Variants in HS3ST4 observed in about 807,000 individuals in gnomAD.
HS3ST4 encodes the protein heparan sulfate glucosamine 3-O-sulfotransferase 4.
HS3ST4 carries 17 observed loss-of-function variants against 29.2 expected under a neutral mutation model. That is an observed-to-expected ratio of 0.58 (90% CI 0.40 to 0.87). The LOEUF is 0.87. Among genes scored for constraint, HS3ST4 ranks in the 40% least tolerant of loss-of-function variants. The pLI, the probability that HS3ST4 is intolerant of heterozygous loss-of-function variation, is 0.00. For missense variants in HS3ST4, 627 were observed against 634.5 expected (o/e 0.99, Z 0.13); for synonymous variants, 314 against 285.7 (o/e 1.10, Z -1.00).
At chr16:25,767,199 T>G (rs1966825927) in intron 1 of HS3ST4, among the ~76,000 whole-genome samples, 1 of 152,352 alleles carries the variant, frequency 6.6e-6, no homozygotes, top group South Asian at 2.1e-4. Flanking sequence ...GGCAAATGTT[T>G]ATTTATACGG....
chr16:25,782,653 A>G (rs754449182), intron 1 of HS3ST4, among the ~76,000 whole-genome samples: 103 of 152,352 alleles, frequency 6.8e-4, no homozygotes, highest in Non-Finnish European at 1.2e-3. Flanking sequence ...TTAAAGTCAG[A>G]TGCACCTTAC....
intron 1 of HS3ST4, 55 bp downstream of exon 1, chr16:25,693,206 G>T: frequency 6.8e-7 from 1 of 1,477,682 alleles, no homozygotes; most frequent in South Asian, 1.4e-5. Flanking sequence ...ACGCGGAGGG[G>T]AAGCCGCGGC....
At chr16:26,026,381 C>T (rs1969473722) in intron 1 of HS3ST4, among the ~76,000 whole-genome samples, 1 of 152,134 alleles carries the variant, frequency 6.6e-6, no homozygotes, top group Non-Finnish European at 1.5e-5. Context: ...CGTTATTGCA[C>T]CTAGGAGGAA....
chr16:25,920,593 G>GC (rs1324018553), intron 1 of HS3ST4, among the ~76,000 whole-genome samples: 4 of 111,446 alleles, frequency 3.6e-5, no homozygotes, highest in Admixed American at 9.1e-5. Context: ...TCCCCTCACT[G>GC]CCGCCCCCAC....
chr16:25,767,280 T>C (rs1459125234), intron 1 of HS3ST4, among the ~76,000 whole-genome samples: 4 of 152,164 alleles, frequency 2.6e-5, no homozygotes, highest in African/African-American at 9.7e-5. Context: ...GGTTTTATCA[T>C]CCAGTGTTCT....
chr16:25,820,448 C>T (rs965655566), intron 1 of HS3ST4, among the ~76,000 whole-genome samples: 10 of 152,042 alleles, frequency 6.6e-5, no homozygotes, highest in Admixed American at 1.3e-4. Flanking sequence ...GGCTATTGTG[C>T]GGTGGTGCAG....
At position 25,828,274 on chromosome 16, in the gene HS3ST4, T is replaced by TTCTC. The variant is rs1967248131; in HGVS notation, c.734+135126_734+135127insCTCT. ...TTTCTTTCTTTCTTTCTTTCTTTCT[T>TTCTC]TCTTTCTTTCTTTCTTTCTTTCTTT... On this transcript the variant is annotated intron_variant, in intron 1 of 1. Coordinates refer to ENST00000331351, the MANE Select transcript of HS3ST4 (RefSeq NM_006040.3). Among the ~76,000 whole-genome samples, 2 of 87,834 alleles carry TTCTC rather than the reference T, an allele frequency of 2.3e-5. 1 individual carries two copies. Among genetic ancestry groups the TTCTC allele is most frequent in the South Asian group, 9.6e-4 (2 of 2,090 alleles). The allele number at this position is 87,834 out of a possible 152,430, so 57.6% of individuals were successfully genotyped here.
chr16:26,024,658 G>A (rs1054643758), intron 1 of HS3ST4, among the ~76,000 whole-genome samples: 2 of 152,170 alleles, frequency 1.3e-5, no homozygotes, highest in African/African-American at 4.8e-5. Context: ...CATGAACCCA[G>A]GAGGCAGAGA....
At chr16:25,998,442 T>C (rs1264304284) in intron 1 of HS3ST4, among the ~76,000 whole-genome samples, 3 of 152,216 alleles carry the variant, frequency 2.0e-5, no homozygotes, top group South Asian at 2.1e-4. Context: ...TGGAGTCATA[T>C]TGAGTTAGTC....
At chr16:25,954,830 C>G (rs1968713805) in intron 1 of HS3ST4, among the ~76,000 whole-genome samples, 2 of 152,320 alleles carry the variant, frequency 1.3e-5, no homozygotes, top group South Asian at 2.1e-4. Context: ...TGAAATATTT[C>G]TTGTCCCAAT....
At chr16:25,812,955 G>A (rs948972036) in intron 1 of HS3ST4, among the ~76,000 whole-genome samples, 1 of 152,092 alleles carries the variant, frequency 6.6e-6, no homozygotes, top group Non-Finnish European at 1.5e-5. Context: ...AATTTTCTTG[G>A]TTCATGTAAC....
chr16:26,111,147 G>A (rs1899123756), intron 1 of HS3ST4, among the ~76,000 whole-genome samples: 1 of 151,962 alleles, frequency 6.6e-6, no homozygotes, highest in Admixed American at 6.6e-5. Flanking sequence ...ACTGAAGCCT[G>A]GACCTTCTGG....
At chr16:26,086,861 C>T (rs541235982) in intron 1 of HS3ST4, among the ~76,000 whole-genome samples, 25 of 152,266 alleles carry the variant, frequency 1.6e-4, no homozygotes, top group African/African-American at 6.0e-4. Context: ...TTTCTGACAA[C>T]CTGATCTTGA....
At chr16:26,085,413 A>G (rs1898774689) in intron 1 of HS3ST4, among the ~76,000 whole-genome samples, 2 of 152,214 alleles carry the variant, frequency 1.3e-5, no homozygotes, top group African/African-American at 4.8e-5. Context: ...AACAACATAG[A>G]CCAAGCCACT....
At chr16:26,069,889 T>C (rs890213790) in intron 1 of HS3ST4, among the ~76,000 whole-genome samples, 2 of 152,086 alleles carry the variant, frequency 1.3e-5, no homozygotes, top group African/African-American at 2.4e-5. Flanking sequence ...CATGAACTCA[T>C]CATTTTTTAT....
intron 1 of HS3ST4, among the ~76,000 whole-genome samples, chr16:25,795,803 A>G (rs1045266312): frequency 6.6e-6 from 1 of 152,110 alleles, no homozygotes; most frequent in South Asian, 2.1e-4. Context: ...GGCTCAGTCT[A>G]TCTTTTGTTC....
chr16:26,101,308 C>T (rs1008483092), intron 1 of HS3ST4, among the ~76,000 whole-genome samples: 10 of 152,224 alleles, frequency 6.6e-5, no homozygotes, highest in Non-Finnish European at 1.2e-4. Context: ...AGAATGCAGC[C>T]GGGAAGTTCC....
intron 1 of HS3ST4, among the ~76,000 whole-genome samples, chr16:26,007,740 C>G (rs975434015): frequency 6.6e-6 from 1 of 152,178 alleles, no homozygotes; most frequent in Non-Finnish European, 1.5e-5. Flanking sequence ...ACATTATGCT[C>G]TGTTTTCCTG....
intron 1 of HS3ST4, among the ~76,000 whole-genome samples, chr16:26,099,394 A>G (rs1486418674): frequency 6.6e-6 from 1 of 152,118 alleles, no homozygotes; most frequent in Non-Finnish European, 1.5e-5. Context: ...ATCCTTAAGC[A>G]ATCTTCATGC....
Sources: allele counts gnomAD v4.1 joint callset (sites outside exome capture counted in the v4.1 genomes callset), GRCh38; gene constraint gnomAD v4.1.1; transcripts MANE v1.5; gene names NCBI Gene and HGNC (gene_info 2026-07-23, HGNC 2026-07-21).